THSD7B: variants seen among roughly 807,000 people sequenced by gnomAD.
THSD7B encodes the protein thrombospondin type 1 domain containing 7B.
THSD7B carries 138 observed loss-of-function variants against 213.6 expected under a neutral mutation model. That is an observed-to-expected ratio of 0.65 (90% CI 0.56 to 0.74). The LOEUF is 0.74. Ranked by LOEUF, THSD7B falls within the 30% of genes least tolerant of loss-of-function variation. The pLI is 0.00. For synonymous variants in THSD7B, 742 were observed against 687.0 expected, an observed-to-expected ratio of 1.08 and a Z score of -1.25; for missense variants, 1,931 against 1,991.5, an observed-to-expected ratio of 0.97 and a Z score of 0.58.
At chr2:137,182,287 G>A (rs1000489166) in intron 7 of THSD7B, among the ~76,000 whole-genome samples, 10 of 152,186 alleles carry the variant, frequency 6.6e-5, no homozygotes, top group East Asian at 5.8e-4. Context: ...TATCACAGGC[G>A]CAGCTGAGAG....
intron 5 of THSD7B, among the ~76,000 whole-genome samples, chr2:137,130,471 G>A (rs923482054): frequency 2.6e-5 from 4 of 151,598 alleles, no homozygotes; most frequent in Admixed American, 2.0e-4. Flanking sequence ...CTGGTGTGCT[G>A]CACACATTAA....
intron 17 of THSD7B, among the ~76,000 whole-genome samples, chr2:137,608,912 T>C (rs1382229842): frequency 6.6e-6 from 1 of 152,260 alleles, no homozygotes; most frequent in Non-Finnish European, 1.5e-5. Context: ...CAGGTTTGCA[T>C]TGATGTTATA....
intron 15 of THSD7B, among the ~76,000 whole-genome samples, chr2:137,544,747 A>G (rs886686192): frequency 9.9e-5 from 15 of 151,770 alleles, no homozygotes; most frequent in African/African-American, 3.6e-4. Context: ...TAAATAGTTA[A>G]TGGCTTAATT....
intron 2 of THSD7B, among the ~76,000 whole-genome samples, 164 bp from the exon 3 acceptor site, chr2:137,056,256 A>G (rs1046514083): frequency 1.3e-5 from 2 of 152,226 alleles, no homozygotes; most frequent in African/African-American, 4.8e-5. Flanking sequence ...TATTTCAACA[A>G]GAGTGTCCAC....
rs1438473137 is a variant in THSD7B at position 137,623,991 on chromosome 2, A to G, written c.3799+3265A>G. Among the ~76,000 whole-genome samples the G allele has an allele frequency of 7.2e-5, 11 of 152,232 alleles. No homozygotes were observed. In the South Asian group the frequency reaches 1.2e-3, roughly 17 times the overall value. ...TGGAAAAAACTACTTTAAAGTTCGT[A>G]TGGAACCAAAAAAGAGCCCACATTG... is the stretch of plus-strand genomic sequence containing the variant. On this transcript the variant is annotated intron_variant, in intron 20 of 27. Coordinates refer to ENST00000409968, the MANE Select transcript of THSD7B (RefSeq NM_001316349.2).
At chr2:137,615,221 G>A (rs530922608) in intron 17 of THSD7B, among the ~76,000 whole-genome samples, 159 of 152,320 alleles carry the variant, frequency 1.0e-3, no homozygotes, top group Middle Eastern at 3.4e-3. Flanking sequence ...GCGATGCAAA[G>A]AAAGGTTAGC....
At position 137,646,405 on chromosome 2, in the gene THSD7B, G is replaced by A. The variant is rs182850742; in HGVS notation, c.3945+3772G>A. ...ACCTGTTATCCCAGAACTTTGGGAGGCCGAGGAGGGTGAATCACTTGAGGC... is the reference window on the plus strand; with the variant it reads ...ACCTGTTATCCCAGAACTTTGGGAGACCGAGGAGGGTGAATCACTTGAGGC... On this transcript the variant is annotated intron_variant, in intron 21 of 27. Coordinates refer to ENST00000409968, the MANE Select transcript of THSD7B (RefSeq NM_001316349.2). Among the ~76,000 whole-genome samples, 5 of 150,820 alleles carry A rather than the reference G, an allele frequency of 3.3e-5. No homozygotes were observed. The Admixed American group carries it at 3.3e-4, about 10-fold the overall frequency.
At chr2:136,767,770 G>A (rs949813877) in intron 1 of THSD7B, among the ~76,000 whole-genome samples, 5 of 152,276 alleles carry the variant, frequency 3.3e-5, no homozygotes, top group East Asian at 1.9e-4. Flanking sequence ...TTGGAGATAC[G>A]TGGTCCAGGA....
chr2:136,775,645 T>C (rs960266399), intron 1 of THSD7B, among the ~76,000 whole-genome samples: 1 of 152,110 alleles, frequency 6.6e-6, no homozygotes, highest in Non-Finnish European at 1.5e-5. Context: ...CACGTATGCC[T>C]GCATAGGGCT....
At chr2:137,053,767 A>G (rs1224433577) in intron 2 of THSD7B, among the ~76,000 whole-genome samples, 2 of 152,196 alleles carry the variant, frequency 1.3e-5, no homozygotes, top group Non-Finnish European at 2.9e-5. Flanking sequence ...TGTATGCTTA[A>G]TACCTAATCA....
At chr2:137,063,349 TG>T (rs2104883521) in intron 3 of THSD7B, among the ~76,000 whole-genome samples, 1 of 152,106 alleles carries the variant, frequency 6.6e-6, no homozygotes, top group South Asian at 2.1e-4. Context: ...CCTTGTTCTT[TG>T]CTCCTTTTTA....
intron 2 of THSD7B, among the ~76,000 whole-genome samples, chr2:136,959,220 A>T (rs1685179169): frequency 6.6e-6 from 1 of 152,192 alleles, no homozygotes; most frequent in African/African-American, 2.4e-5. Flanking sequence ...CTTGCTTAAT[A>T]ATTTCCTGCT....
At chr2:137,017,734 C>G (rs1028394514) in intron 2 of THSD7B, among the ~76,000 whole-genome samples, 4 of 152,052 alleles carry the variant, frequency 2.6e-5, no homozygotes, top group African/African-American at 9.7e-5. Context: ...CCATATGATG[C>G]CTTATTCTGT....
At chr2:136,978,191 G>A (rs769953808) in intron 2 of THSD7B, among the ~76,000 whole-genome samples, 4 of 152,304 alleles carry the variant, frequency 2.6e-5, no homozygotes, top group African/African-American at 7.2e-5. Flanking sequence ...CATTTGCTGA[G>A]GAGTGTTTTA....
At chr2:137,082,088 T>C (rs528630330) in intron 3 of THSD7B, among the ~76,000 whole-genome samples, 1 of 152,264 alleles carries the variant, frequency 6.6e-6, no homozygotes, top group Non-Finnish European at 1.5e-5. Flanking sequence ...AACTGCCAAG[T>C]TCCGAACTGT....
intron 12 of THSD7B, among the ~76,000 whole-genome samples, chr2:137,335,430 A>G (rs1684616879): frequency 6.6e-6 from 1 of 152,194 alleles, no homozygotes; most frequent in Admixed American, 6.5e-5. Context: ...ACAGATTATC[A>G]ACTGATGCCT....
intron 24 of THSD7B, among the ~76,000 whole-genome samples, chr2:137,658,771 G>C (rs1318267383): frequency 6.6e-6 from 1 of 152,156 alleles, no homozygotes; most frequent in East Asian, 1.9e-4. Context: ...CATTCCCAGG[G>C]ACAATGTAGG....
chr2:137,606,955 C>T (rs1332312468), intron 17 of THSD7B, among the ~76,000 whole-genome samples: 2 of 152,100 alleles, frequency 1.3e-5, no homozygotes, highest in Non-Finnish European at 2.9e-5. Flanking sequence ...AGGCTTGCTG[C>T]CTGCCTTTGA....
intron 13 of THSD7B, among the ~76,000 whole-genome samples, chr2:137,409,697 A>G (rs1214957477): frequency 6.6e-6 from 1 of 152,200 alleles, no homozygotes; most frequent in Non-Finnish European, 1.5e-5. Context: ...GAGGTAGAGA[A>G]GAAGAATAGT....
Sources: allele counts gnomAD v4.1 joint callset (sites outside exome capture counted in the v4.1 genomes callset), GRCh38; gene constraint gnomAD v4.1.1; transcripts MANE v1.5; gene names NCBI Gene and HGNC (gene_info 2026-07-23, HGNC 2026-07-21).